Variants in MMEL1 observed in about 807,000 individuals in gnomAD.
MMEL1 encodes the protein membrane metalloendopeptidase like 1.
Under a neutral mutation model 117.1 loss-of-function variants are expected in MMEL1, and 98 were observed. The observed-to-expected ratio is 0.84, with a 90% CI of 0.71 to 0.99. MMEL1 has a LOEUF of 0.99. MMEL1 is among the 50% of genes least tolerant of loss of function. The pLI is 0.00. For synonymous variants in MMEL1, 390 were observed against 415.1 expected (o/e 0.94, Z 0.74); for missense variants, 1,014 against 1,049.1 (o/e 0.97, Z 0.46).
At position 2,605,618 on chromosome 1, in the gene MMEL1, G is replaced by A. The variant is rs1237128291; in HGVS notation, c.756C>T (p.Asp252=). The change falls in exon 9 of 24, where the codon GAC becomes GAT. Residue 252 remains aspartate (D), a synonymous_variant. Coordinates refer to ENST00000378412, the MANE Select transcript of MMEL1 (RefSeq NM_033467.4). ...GGGAGGGCATGCCCAAGGTGGGCTG[G>A]TCTATCTGGAAATACAGAAGGTGTG... The part of the protein sequence containing the change: ...QNSSRHIIYI[D]QPTLGMPSRE... 1 of 1,612,570 alleles carries A rather than the reference G, an allele frequency of 6.2e-7. No homozygotes were observed. The highest frequency in any genetic ancestry group is 1.1e-5 in the South Asian group (1 of 91,018).
chr1:2,600,296 C>G (rs879111490), intron 11 of MMEL1, among the ~76,000 whole-genome samples: 1 of 151,478 alleles, frequency 6.6e-6, no homozygotes, highest in African/African-American at 2.4e-5. Flanking sequence ...TAAGAATATA[C>G]GTGCTTTTCT....
At chr1:2,617,525 C>T (rs1008289368) in intron 2 of MMEL1, among the ~76,000 whole-genome samples, 1 of 149,574 alleles carries the variant, frequency 6.7e-6, no homozygotes, top group Non-Finnish European at 1.5e-5. Flanking sequence ...ACTTGAACAC[C>T]GTGGGTGGAG....
Position 2,591,933 on chromosome 1 carries a change from T to G in MMEL1, c.2162A>C (p.Gln721Pro), listed in dbSNP as rs1644724308. Residue 721 changes from glutamine to proline, a missense_variant and splice_region_variant, in exon 22 of 24, where the codon CAG (glutamine) becomes CCG (proline). Physicochemically the swap from Gln to Pro is moderately conservative, Grantham distance 76. Transcript: ENST00000378412. ...HEQLFFINYA[Q>P]VWCGSYRPEF... is the part of the protein sequence containing the mutation. Reference sequence around the variant, plus strand: ...TGGGACCAGGACTGCGGCTGCCACCTGGGCATAGTTGATGAAGAAGAGCTG... The same window carrying G: ...TGGGACCAGGACTGCGGCTGCCACCGGGGCATAGTTGATGAAGAAGAGCTG... 9.3e-6 allele frequency: 15 copies of G among 1,613,112 alleles called. No homozygotes were observed. The highest frequency in any genetic ancestry group is 1.3e-5 in the Non-Finnish European group (15 of 1,179,706).
At chr1:2,591,734 G>T in intron 22 of MMEL1, 101 bp from the exon 23 acceptor site, 1 of 1,145,386 alleles carries the variant, frequency 8.7e-7, no homozygotes, top group East Asian at 2.3e-5. Context: ...TTCTAGGGTG[G>T]GGTGAGGGGA....
rs138576053 is a variant in MMEL1, at chr1:2,591,454, G to A, written c.2240+103C>T. 1,801 of 938,586 alleles carry A rather than the reference G, an allele frequency of 1.9e-3. 5 individuals are homozygous for A. The highest frequency in any genetic ancestry group is 2.2e-3 in the Non-Finnish European group (1,281 of 576,678). The allele number at this position is 938,586 out of a possible 1,614,324, so 58.1% of individuals were successfully genotyped here. A position where few individuals can be genotyped will look rare whatever the true frequency, so the allele number is the denominator to read the frequency against. ...TCAGGTTTATTCCCAAAATAAACCT[G>A]TCTCTGTTGAGCCACTTTTTGTGCT... On this transcript the variant is annotated intron_variant, in intron 23 of 23. Transcript: ENST00000378412.
intron 18 of MMEL1, 106 bp downstream of exon 18, chr1:2,594,279 C>A (rs1180233671): frequency 1.6e-6 from 2 of 1,225,318 alleles, no homozygotes; most frequent in Non-Finnish European, 2.4e-6. Context: ...GTTCCAAGAA[C>A]AGGCTGGGGT....
chr1:2,611,822 C>T (rs891590272), intron 3 of MMEL1, among the ~76,000 whole-genome samples: 1 of 152,242 alleles, frequency 6.6e-6, no homozygotes, highest in African/African-American at 2.4e-5. Context: ...CTCCAGGCAG[C>T]CTGCCTTGCT....
chr1:2,607,014 TC>T lies in MMEL1; in HGVS notation c.590del (p.Gly197GlufsTer14). On this transcript the variant is annotated frameshift_variant, in exon 7 of 24. Transcript: ENST00000378412. LOFTEE classifies it high-confidence loss of function. ...QPLLDILEVV[G>X]GWPVAMDRWN... Reference sequence around the variant, plus strand: ...ACCTGTCCATCGCCACCGGCCAGCCTCCCACCACCTCCAAGATGTCCAGCAG... The same window carrying T: ...ACCTGTCCATCGCCACCGGCCAGCCTCCACCACCTCCAAGATGTCCAGCAG... 6.2e-7 allele frequency: 1 copy of T among 1,613,344 alleles called. No homozygotes were observed.
In MMEL1 at chr1:2,595,466, C is replaced by T. The variant is rs1644819979; in HGVS notation, c.1501-107G>A. The stretch of plus-strand genomic sequence containing the variant: ...TGTGGGAGGGGTCAGCCCGGGGCAT[C>T]CTGGCTGTGCTCTCCCTGTCCTGTG... On this transcript the variant is annotated intron_variant, in intron 15 of 23. Transcript: ENST00000378412. This position sits in a 1 kb window ranked among gnomAD's most constrained non-coding sequence, Gnocchi z 4.8. 4 of 897,184 alleles carry T rather than the reference C, an allele frequency of 4.5e-6. No homozygotes were observed. Among genetic ancestry groups the T allele is most frequent in the South Asian group, 2.9e-5 (2 of 68,682 alleles). 55.6% of individuals were successfully genotyped at this position (897,184 alleles called of 1,614,324 possible). A position where few individuals can be genotyped will look rare whatever the true frequency, so the allele number is the denominator to read the frequency against.
chr1:2,601,795 G>T (rs912560612), intron 11 of MMEL1, among the ~76,000 whole-genome samples: 1 of 152,240 alleles, frequency 6.6e-6, no homozygotes, highest in African/African-American at 2.4e-5. Flanking sequence ...ATTGACAGGA[G>T]ATGGCGTTTA....
intron 6 of MMEL1, among the ~76,000 whole-genome samples, chr1:2,608,466 CAT>C (rs1342055787): frequency 6.6e-5 from 10 of 152,074 alleles, no homozygotes; most frequent in Middle Eastern, 3.2e-3. Context: ...CACACAAGCA[CAT>C]ATGACACACA....
intron 19 of MMEL1, 39 bp downstream of exon 19, chr1:2,593,775 G>C (rs777220135): frequency 1.3e-6 from 2 of 1,539,592 alleles, no homozygotes; most frequent in Admixed American, 1.9e-5. Flanking sequence ...TCTCCGCGGA[G>C]AGGGGAGGGC....
At position 2,602,337 on chromosome 1, in the gene MMEL1, A is replaced by G. The variant is rs1050027649; in HGVS notation, c.1041+1547T>C. Among the ~76,000 whole-genome samples the G allele has an allele frequency of 1.2e-4, 18 of 152,122 alleles. 1 individual carries two copies. The highest frequency in any genetic ancestry group is 1.0e-3 in the Admixed American group (16 of 15,278). ...GGGCGATTCTGAACATCATAAATGC[A>G]TTGTAAACCAAATGTCCCCAAACCC... is the stretch of plus-strand genomic sequence containing the variant. On this transcript the variant is annotated intron_variant, in intron 11 of 23. Transcript: ENST00000378412.
At chr1:2,614,785 T>C (rs1251767442) in intron 2 of MMEL1, among the ~76,000 whole-genome samples, 6 of 151,762 alleles carry the variant, frequency 4.0e-5, no homozygotes, top group Admixed American at 1.3e-4. Context: ...TTGATACCAT[T>C]ATCCGATAAA....
chr1:2,591,690 T>TGGGGGGGG, intron 22 of MMEL1, 57 bp from the exon 23 acceptor site: 3 of 376,468 alleles, frequency 8.0e-6, no homozygotes, highest in Non-Finnish European at 1.5e-5. Flanking sequence ...CCAGGAGGGG[T>TGGGGGGGG]GGGGGAGGGT....
At chr1:2,592,629 ACG>A (rs769607498) in intron 21 of MMEL1, 24 bp downstream of exon 21, 1 of 553,050 alleles carries the variant, frequency 1.8e-6, no homozygotes, top group Non-Finnish European at 2.4e-6. Context: ...TGCCGCGCTG[ACG>A]CCCCCTCCCC....
rs111988258 is a variant in MMEL1, at chr1:2,616,802, C to T, written c.155-4598G>A. On this transcript the variant is annotated intron_variant, in intron 2 of 23. Transcript: ENST00000378412. ...GAACAAATTAGGACAACTGAAGAGG[C>T]GAGTTCATGCCTCCTTCATGCCTGC... is the stretch of plus-strand genomic sequence containing the variant. 6.3e-3 allele frequency among the ~76,000 whole-genome samples: 956 copies of T among 152,292 alleles called. 8 individuals are homozygous for T. Among genetic ancestry groups the T allele is most frequent in the African/African-American group, 0.022 (898 of 41,548 alleles).
chr1:2,620,289 T>C (rs538624189), intron 2 of MMEL1, among the ~76,000 whole-genome samples: 8 of 152,246 alleles, frequency 5.3e-5, no homozygotes, highest in Admixed American at 3.9e-4. Context: ...ATCTTCAAGA[T>C]ATTGAGAGAA....
chr1:2,625,866 C>T (rs1638247320), intron 2 of MMEL1, among the ~76,000 whole-genome samples: 1 of 152,182 alleles, frequency 6.6e-6, no homozygotes, highest in Non-Finnish European at 1.5e-5. Context: ...CTTCACTCCT[C>T]CCACCCTGCC....
Sources: allele counts gnomAD v4.1 joint callset (sites outside exome capture counted in the v4.1 genomes callset), GRCh38; gene constraint gnomAD v4.1.1; non-coding constraint Gnocchi (gnomAD v3.1); transcripts MANE v1.5; gene names NCBI Gene and HGNC (gene_info 2026-07-23, HGNC 2026-07-21).